Variants in NTM observed in about 807,000 individuals in gnomAD.
NTM encodes the protein neurotrimin.
A neutral mutation model predicts 42.1 loss-of-function variants in NTM; 13 were observed. The observed-to-expected ratio is 0.31, with a 90% CI of 0.20 to 0.49. NTM has a LOEUF of 0.49. Among genes scored for constraint, NTM ranks in the 20% least tolerant of loss-of-function variants. The pLI is 0.99. For missense variants in NTM, 373 were observed against 452.8 expected, an observed-to-expected ratio of 0.82 and a Z score of 1.60; for synonymous variants, 187 against 179.2, an observed-to-expected ratio of 1.04 and a Z score of -0.35.
chr11:131,415,475 C>T (rs946404829), intron 1 of NTM, among the ~76,000 whole-genome samples: 3 of 152,180 alleles, frequency 2.0e-5, no homozygotes, highest in African/African-American at 7.2e-5. Flanking sequence ...AGAATATAAT[C>T]ATATACCACA....
chr11:131,888,101 G>C lies in NTM; in HGVS notation c.83-23463G>C, dbSNP rs539865386. Among the ~76,000 whole-genome samples the C allele has an allele frequency of 5.5e-3, 834 of 152,176 alleles. 6 individuals carry two copies. The highest frequency in any genetic ancestry group is 8.2e-3 in the Non-Finnish European group (558 of 68,010). ...GGATAACCTGAAATTAGGACTTCGA[G>C]ACCAGCCTGATTAATATGGTGAAAC... On this transcript the variant is annotated intron_variant, in intron 1 of 8. Coordinates refer to ENST00000683400, the MANE Select transcript of NTM (RefSeq NM_001352005.2).
chr11:132,021,795 T>C (rs1051916843), intron 2 of NTM, among the ~76,000 whole-genome samples: 5 of 152,232 alleles, frequency 3.3e-5, no homozygotes, highest in African/African-American at 1.2e-4. Context: ...GATTTGTGTA[T>C]GGGTAGTGAA....
At chr11:131,386,568 G>A (rs560402469) in intron 1 of NTM, among the ~76,000 whole-genome samples, 1 of 152,242 alleles carries the variant, frequency 6.6e-6, no homozygotes, top group South Asian at 2.1e-4. Context: ...GTGGCAGGAA[G>A]TTAAAGGAGT....
intron 1 of NTM, among the ~76,000 whole-genome samples, chr11:131,677,693 T>C (rs2071672682): frequency 6.6e-6 from 1 of 152,198 alleles, no homozygotes; most frequent in Non-Finnish European, 1.5e-5. Context: ...ACCCAGAAAG[T>C]TCCTATGAGC....
intron 4 of NTM, chr11:132,284,629 T>G (rs1316702561): frequency 2.0e-5 from 3 of 153,164 alleles, no homozygotes; most frequent in African/African-American, 7.2e-5. Flanking sequence ...GCCCTCACAC[T>G]GTGATACTGG....
At chr11:131,687,611 T>G (rs541512228) in intron 1 of NTM, among the ~76,000 whole-genome samples, 2 of 151,656 alleles carry the variant, frequency 1.3e-5, no homozygotes, top group South Asian at 4.3e-4. Flanking sequence ...CACAAGTTAC[T>G]TGAATTAGTG....
At chr11:131,719,157 G>A (rs748210649) in intron 1 of NTM, among the ~76,000 whole-genome samples, 1 of 152,190 alleles carries the variant, frequency 6.6e-6, no homozygotes, top group Non-Finnish European at 1.5e-5. Context: ...CTATCTGCCC[G>A]TCCCACCCTC....
chr11:131,967,563 G>A (rs1394547782), intron 2 of NTM, among the ~76,000 whole-genome samples: 6 of 152,146 alleles, frequency 3.9e-5, no homozygotes, highest in Admixed American at 6.5e-5. Context: ...GGGCCAGGGA[G>A]GAGCAAGGAG....
intron 4 of NTM, among the ~76,000 whole-genome samples, chr11:132,284,606 C>A (rs779365961): frequency 2.6e-5 from 4 of 151,950 alleles, no homozygotes; most frequent in Non-Finnish European, 5.9e-5. Flanking sequence ...ATACTGGGAC[C>A]CTGCTTCCAA....
At chr11:132,024,178 T>G (rs1232684855) in intron 2 of NTM, among the ~76,000 whole-genome samples, 1 of 152,032 alleles carries the variant, frequency 6.6e-6, no homozygotes, top group Non-Finnish European at 1.5e-5. Flanking sequence ...TATGTTTGTT[T>G]TGTGTTTTTA....
chr11:132,319,492 G>C (rs1301247853), intron 7 of NTM, among the ~76,000 whole-genome samples: 1 of 152,208 alleles, frequency 6.6e-6, no homozygotes, highest in African/African-American at 2.4e-5. Context: ...GGCTTGGAGG[G>C]TCCTACACCC....
chr11:131,555,334 A>G (rs1592037186), intron 1 of NTM, among the ~76,000 whole-genome samples: 1 of 152,228 alleles, frequency 6.6e-6, no homozygotes, highest in East Asian at 1.9e-4. Flanking sequence ...GGAGGAAGAC[A>G]GGATAACAGA....
chr11:132,079,750 T>C (rs921051397), intron 2 of NTM, among the ~76,000 whole-genome samples: 23 of 152,220 alleles, frequency 1.5e-4, no homozygotes, highest in African/African-American at 5.5e-4. Flanking sequence ...ATGGGGTCTG[T>C]CCAGTATGAA....
chr11:132,298,711 C>CA lies in NTM; in HGVS notation c.527-8969dup, dbSNP rs571762200. 5.3e-5 allele frequency among the ~76,000 whole-genome samples: 8 copies of CA among 151,244 alleles called. No homozygotes were observed. The East Asian group carries it at 1.2e-3, about 22-fold the overall frequency. On this transcript the variant is annotated intron_variant, in intron 4 of 8. Transcript: ENST00000683400. ...AATTATTATTCCCAGATTTCCCTATCAAAAAAAAATTAAGGGAATTTGTTT... is the reference window on the plus strand; with the variant it reads ...AATTATTATTCCCAGATTTCCCTATCAAAAAAAAAATTAAGGGAATTTGTTT...
chr11:131,795,282 T>C, intron 1 of NTM: 1 of 508,958 alleles, frequency 2.0e-6, no homozygotes, highest in Non-Finnish European at 2.5e-6. Flanking sequence ...CTTATAGGGT[T>C]GTTGTTAGGA....
intron 2 of NTM, among the ~76,000 whole-genome samples, chr11:132,126,408 C>CT (rs1226262604): frequency 6.6e-6 from 1 of 152,068 alleles, no homozygotes; most frequent in African/African-American, 2.4e-5. Context: ...TCACCCCCTT[C>CT]TTTTCTGTGA....
intron 1 of NTM, among the ~76,000 whole-genome samples, chr11:131,427,908 CTGAGCTAATAT>C (rs1249548994): frequency 4.6e-5 from 7 of 152,190 alleles, no homozygotes; most frequent in African/African-American, 7.2e-5. Flanking sequence ...CTTCTTTTCT[CTGAGCTAATAT>C]CGATATCTGT....
intron 3 of NTM, among the ~76,000 whole-genome samples, chr11:132,174,294 C>A (rs1447804247): frequency 6.6e-6 from 1 of 152,150 alleles, no homozygotes; most frequent in Non-Finnish European, 1.5e-5. Context: ...CTTATGAATG[C>A]CTTTTTCCCT....
At chr11:131,911,794 G>T in intron 2 of NTM, 146 bp downstream of exon 2, 2 of 1,034,720 alleles carry the variant, frequency 1.9e-6, no homozygotes, top group Non-Finnish European at 2.8e-6. Flanking sequence ...GCTGCGCTGG[G>T]GGCTCTGCCC....
Sources: allele counts gnomAD v4.1 joint callset (sites outside exome capture counted in the v4.1 genomes callset), GRCh38; gene constraint gnomAD v4.1.1; transcripts MANE v1.5; gene names NCBI Gene and HGNC (gene_info 2026-07-23, HGNC 2026-07-21).